Variants in RUNX1 observed in about 807,000 individuals in gnomAD.
RUNX1 encodes the protein RUNX family transcription factor 1, also known as runt-related transcription factor 1.
A neutral mutation model predicts 42.8 loss-of-function variants in RUNX1; 19 were observed. The observed-to-expected ratio is 0.44, with a 90% CI of 0.31 to 0.65. The LOEUF is 0.65. RUNX1 is among the 30% of genes least tolerant of loss of function. RUNX1 has a pLI of 0.07. For missense variants in RUNX1, 528 were observed against 672.0 expected (o/e 0.79, Z 2.37); for synonymous variants, 271 against 289.4 (o/e 0.94, Z 0.64).
At chr21:35,009,563 T>C (rs2059110623) in intron 2 of RUNX1, among the ~76,000 whole-genome samples, 1 of 152,198 alleles carries the variant, frequency 6.6e-6, no homozygotes, top group Non-Finnish European at 1.5e-5. Context: ...CACCTAAGCA[T>C]GCATCACTGA....
chr21:34,920,813 C>T (rs1315718793), intron 2 of RUNX1, among the ~76,000 whole-genome samples: 1 of 151,846 alleles, frequency 6.6e-6, no homozygotes, highest in South Asian at 2.1e-4. Context: ...ATTGTGGTAA[C>T]ATATATATAT....
chr21:35,041,770 C>T (rs527579815), intron 2 of RUNX1, among the ~76,000 whole-genome samples: 108 of 150,892 alleles, frequency 7.2e-4, no homozygotes, highest in Middle Eastern at 6.8e-3. Flanking sequence ...TCATCTGTAA[C>T]TTGCAGAAAT....
intron 2 of RUNX1, among the ~76,000 whole-genome samples, chr21:34,927,261 G>A (rs1020992213): frequency 1.3e-5 from 2 of 152,076 alleles, no homozygotes; most frequent in Non-Finnish European, 2.9e-5. Context: ...TAACAGGCTG[G>A]GCTTCAGCCT....
At chr21:34,890,593 C>T (rs1270301256) in intron 3 of RUNX1, among the ~76,000 whole-genome samples, 2 of 152,178 alleles carry the variant, frequency 1.3e-5, no homozygotes, top group Non-Finnish European at 2.9e-5. Context: ...CAACCCTCTC[C>T]GCCTCCGCTC....
chr21:34,960,185 C>A (rs190413379), intron 2 of RUNX1, among the ~76,000 whole-genome samples: 155 of 152,246 alleles, frequency 1.0e-3, no homozygotes, highest in Admixed American at 3.1e-3. Context: ...GAGACTCAAC[C>A]ATGTGTTCAC....
chr21:35,033,530 C>T (rs1364586558), intron 2 of RUNX1, among the ~76,000 whole-genome samples: 1 of 152,176 alleles, frequency 6.6e-6, no homozygotes, highest in African/African-American at 2.4e-5. Flanking sequence ...GACACATGTC[C>T]CAACTCTCAT....
At chr21:34,943,063 GC>G (rs1157083583) in intron 2 of RUNX1, among the ~76,000 whole-genome samples, 1 of 152,208 alleles carries the variant, frequency 6.6e-6, no homozygotes, top group Non-Finnish European at 1.5e-5. Flanking sequence ...CAATCTCTGA[GC>G]AGTTGGGGGA....
chr21:34,911,786 G>A (rs2058274512), intron 2 of RUNX1, among the ~76,000 whole-genome samples: 1 of 152,170 alleles, frequency 6.6e-6, no homozygotes, highest in Non-Finnish European at 1.5e-5. Context: ...GCCTCTGTCT[G>A]TCTCACAGAC....
chr21:34,909,411 A>AT (rs544878959), intron 2 of RUNX1, among the ~76,000 whole-genome samples: 1 of 152,094 alleles, frequency 6.6e-6, no homozygotes, highest in South Asian at 2.1e-4. Flanking sequence ...CTCCCTTGTC[A>AT]TTTTTTGCAT....
chr21:34,927,856 G>A (rs1041100413), intron 2 of RUNX1, among the ~76,000 whole-genome samples: 5 of 152,196 alleles, frequency 3.3e-5, no homozygotes, highest in East Asian at 1.9e-4. Flanking sequence ...ATGGACCAGC[G>A]AGTTAGCTCT....
intron 2 of RUNX1, among the ~76,000 whole-genome samples, chr21:34,947,408 A>G (rs1376903031): frequency 6.6e-6 from 1 of 152,246 alleles, no homozygotes; most frequent in Non-Finnish European, 1.5e-5. Context: ...AGCTTTTAGA[A>G]TAAAGATGAA....
At chr21:34,804,542 T>G (rs983102975) in intron 7 of RUNX1, among the ~76,000 whole-genome samples, 18 of 151,962 alleles carry the variant, frequency 1.2e-4, no homozygotes, top group African/African-American at 4.4e-4. Context: ...TGTTAAACTT[T>G]CAATAAAAAA....
rs1601329265 is a variant in RUNX1 at position 34,790,685 on chromosome 21, T to C, written c.*1450A>G. 4.3e-6 allele frequency: 1 copy of C among 233,288 alleles called. No homozygotes were observed. Among genetic ancestry groups the C allele is most frequent in the Non-Finnish European group, 8.5e-6 (1 of 118,082 alleles). 14.5% of individuals were successfully genotyped at this position (233,288 alleles called of 1,614,324 possible). On this transcript the variant is annotated 3_prime_UTR_variant, in exon 9 of 9. Coordinates refer to ENST00000675419, the MANE Select transcript of RUNX1 (RefSeq NM_001754.5). ...AAAGCAACACAAAGATGTTGTTGAG[T>C]GAGCAGCACAGGACAGGGGGTCTCG...
chr21:35,041,960 TG>T (rs2147013400), intron 2 of RUNX1, among the ~76,000 whole-genome samples: 1 of 152,070 alleles, frequency 6.6e-6, no homozygotes, highest in Admixed American at 6.6e-5. Flanking sequence ...TTTGGGAGGC[TG>T]GGGGATTTTT....
intron 2 of RUNX1, among the ~76,000 whole-genome samples, chr21:34,989,053 G>A (rs1007062272): frequency 1.3e-4 from 19 of 151,144 alleles, no homozygotes; most frequent in African/African-American, 4.2e-4. Flanking sequence ...CTGTTGCCCA[G>A]GCTGGAGTGC....
rs138546293 is a variant in RUNX1 at position 34,823,015 on chromosome 21, T to C, written c.805+11395A>G. Among the ~76,000 whole-genome samples the C allele has an allele frequency of 4.0e-3, 606 of 152,352 alleles. 2 individuals are homozygous for C. The highest frequency in any genetic ancestry group is 0.02 in the Middle Eastern group (6 of 294). On this transcript the variant is annotated intron_variant, in intron 7 of 8. Coordinates refer to ENST00000675419, the MANE Select transcript of RUNX1 (RefSeq NM_001754.5). ...GATATAAAGAGGAACTGGCACAGCA[T>C]AAGCTCTCTGGGTCTTGGATCTGGC...
At chr21:35,020,632 T>A (rs1157657265) in intron 2 of RUNX1, among the ~76,000 whole-genome samples, 3 of 152,100 alleles carry the variant, frequency 2.0e-5, no homozygotes, top group Non-Finnish European at 4.4e-5. Context: ...AAGAGGAAGC[T>A]GCCAACGTCA....
At position 34,849,311 on chromosome 21, in the gene RUNX1, A is replaced by T. The variant is rs1418885505; in HGVS notation, c.613+10163T>A. On this transcript the variant is annotated intron_variant, in intron 6 of 8. Coordinates refer to ENST00000675419, the MANE Select transcript of RUNX1 (RefSeq NM_001754.5). ...ATTATATATAAAATATATAATATAT[A>T]TTATATATATATTATATATACTATA... Among the ~76,000 whole-genome samples, 4 of 50,368 alleles carry T rather than the reference A, an allele frequency of 7.9e-5. 1 individual carries two copies. The Admixed American group carries it at 1.3e-3, about 16-fold the overall frequency. 33.0% of individuals were successfully genotyped at this position (50,368 alleles called of 152,430 possible).
chr21:34,879,121 A>G (rs527497156), intron 5 of RUNX1, among the ~76,000 whole-genome samples: 13 of 152,286 alleles, frequency 8.5e-5, no homozygotes, highest in African/African-American at 3.1e-4. Flanking sequence ...TCTGCCAGCT[A>G]CTCATCCGAA....
Sources: gnomAD v4.1 joint callset for allele counts (sites outside exome capture counted in the v4.1 genomes callset) on GRCh38, gnomAD v4.1.1 for gene constraint, MANE v1.5 for transcripts, NCBI Gene and HGNC (gene_info 2026-07-23, HGNC 2026-07-21) for gene names.